CCDC3: variants seen among roughly 807,000 people sequenced by gnomAD.
CCDC3 encodes the protein coiled-coil domain containing 3, also known as coiled-coil domain-containing protein 3.
CCDC3 carries 24 observed loss-of-function variants against 21.4 expected under a neutral mutation model. The observed-to-expected ratio is 1.12, with a 90% CI of 0.81 to 1.58. CCDC3 has a LOEUF of 1.58. Among genes scored for constraint, CCDC3 ranks in the 40% most tolerant of loss-of-function variants. The probability of loss-of-function intolerance (pLI) is 0.00; values close to 1 mark genes in which losing one functional copy is unlikely to be tolerated. For synonymous variants in CCDC3, 186 were observed against 166.0 expected (o/e 1.12, Z -0.93); for missense variants, 425 against 360.9 (o/e 1.18, Z -1.44).
chr10:13,016,588 C>T (rs1836065341), intron 5 of CCDC3, among the ~76,000 whole-genome samples: 1 of 151,834 alleles, frequency 6.6e-6, no homozygotes, highest in South Asian at 2.1e-4. Flanking sequence ...AGCTGCAGTC[C>T]CGGAGGTTGA....
At chr10:12,913,232 C>A (rs1293593787) in intron 2 of CCDC3, among the ~76,000 whole-genome samples, 1 of 152,094 alleles carries the variant, frequency 6.6e-6, no homozygotes, top group East Asian at 1.9e-4. Context: ...GGATATCTTC[C>A]CATTTATTTG....
chr10:12,980,940 A>G (rs1195597654), intron 2 of CCDC3, among the ~76,000 whole-genome samples: 3 of 152,240 alleles, frequency 2.0e-5, no homozygotes, highest in African/African-American at 7.2e-5. Context: ...GCACATTGCC[A>G]TAATCATGAC....
Position 13,028,029 on chromosome 10 carries a change from C to T in CCDC3, c.-2+21645G>A, listed in dbSNP as rs563488116. Among the ~76,000 whole-genome samples the T allele has an allele frequency of 2.4e-4, 37 of 152,260 alleles. 1 individual carries two copies. Among genetic ancestry groups the T allele is most frequent in the African/African-American group, 6.5e-4 (27 of 41,548 alleles). On this transcript the variant is annotated intron_variant, in intron 5 of 6. Transcript: ENST00000378839. ...TTTGGCCAGGACCCTCTGTTTACAA[C>T]GACCAGGCTACTACAATATATAGTT...
intron 5 of CCDC3, among the ~76,000 whole-genome samples, chr10:13,030,811 T>C (rs1836289809): frequency 6.6e-6 from 1 of 152,180 alleles, no homozygotes; most frequent in African/African-American, 2.4e-5. Context: ...TAAATATATA[T>C]GCACCCAATA....
intron 2 of CCDC3, among the ~76,000 whole-genome samples, chr10:12,935,309 C>G (rs1486509298): frequency 6.6e-6 from 1 of 151,974 alleles, no homozygotes; most frequent in African/African-American, 2.4e-5. Context: ...ACCTCCATCT[C>G]CTGGGTCCAA....
At chr10:12,903,177 T>A (rs1834119627) in intron 2 of CCDC3, among the ~76,000 whole-genome samples, 1 of 152,162 alleles carries the variant, frequency 6.6e-6, no homozygotes, top group Admixed American at 6.5e-5. Flanking sequence ...GGGCCATGCC[T>A]CTGAGTAGGG....
At chr10:13,032,240 A>C (rs1329511013) in intron 5 of CCDC3, among the ~76,000 whole-genome samples, 2 of 152,094 alleles carry the variant, frequency 1.3e-5, no homozygotes, top group Non-Finnish European at 2.9e-5. Context: ...AAAGACAAAA[A>C]CCACGATTAT....
intron 2 of CCDC3, among the ~76,000 whole-genome samples, chr10:12,947,816 A>C (rs1274034159): frequency 1.3e-5 from 2 of 152,244 alleles, no homozygotes; most frequent in Non-Finnish European, 2.9e-5. Context: ...AGTCCTTACC[A>C]ACGGGTCAGG....
At chr10:12,995,776 G>A (rs1835753628) in intron 2 of CCDC3, among the ~76,000 whole-genome samples, 1 of 152,136 alleles carries the variant, frequency 6.6e-6, no homozygotes, top group Admixed American at 6.5e-5. Context: ...GGTGATTCAA[G>A]GGAAAGGGAA....
chr10:12,983,152 A>ATATATATATC lies in CCDC3; in HGVS notation c.549+15185_549+15186insGATATATATA, dbSNP rs1835531685. On this transcript the variant is annotated intron_variant, in intron 2 of 2. Transcript: ENST00000378825. ...AGTGTATATATATATATATATATAT[A>ATATATATATC]TATATATATATATATATATATAAAA... is the stretch of plus-strand genomic sequence containing the variant. Among the ~76,000 whole-genome samples, 10 of 65,078 alleles carry ATATATATATC rather than the reference A, an allele frequency of 1.5e-4. No homozygotes were observed. The South Asian group carries it at 4.8e-3, about 31-fold the overall frequency. The allele number at this position is 65,078 out of a possible 152,430, so 42.7% of individuals were successfully genotyped here.
At chr10:12,971,395 TCTCA>T (rs1835341531) in intron 2 of CCDC3, among the ~76,000 whole-genome samples, 3 of 152,182 alleles carry the variant, frequency 2.0e-5, no homozygotes, top group African/African-American at 4.8e-5. Context: ...ACCTTAGATC[TCTCA>T]CTCAGAGCAC....
intron 3 of CCDC3, among the ~76,000 whole-genome samples, chr10:13,082,859 T>G (rs1406859450): frequency 6.6e-6 from 1 of 152,182 alleles, no homozygotes; most frequent in Non-Finnish European, 1.5e-5. Flanking sequence ...AACAGTGGAA[T>G]AAAGAGTAAT....
chr10:12,938,999 C>G (rs2131235861), intron 2 of CCDC3, among the ~76,000 whole-genome samples: 1 of 151,870 alleles, frequency 6.6e-6, no homozygotes, highest in Middle Eastern at 3.4e-3. Context: ...GCTCCACTAT[C>G]TTCTCTCCTC....
intron 2 of CCDC3, among the ~76,000 whole-genome samples, chr10:12,961,745 A>G (rs1413336085): frequency 6.6e-6 from 1 of 152,160 alleles, no homozygotes; most frequent in African/African-American, 2.4e-5. Context: ...TCCCACCCCT[A>G]AGTAATTAGA....
At chr10:12,933,472 T>TTTTTG (rs1834683745) in intron 2 of CCDC3, among the ~76,000 whole-genome samples, 1 of 151,452 alleles carries the variant, frequency 6.6e-6, no homozygotes. Context: ...TTTTTTTTTT[T>TTTTTG]GAGACAGAGT....
intron 2 of CCDC3, among the ~76,000 whole-genome samples, chr10:12,901,495 G>T (rs989177091): frequency 3.3e-5 from 5 of 152,044 alleles, no homozygotes; most frequent in African/African-American, 1.2e-4. Context: ...GGATGGTCTC[G>T]ATTTCCTGAC....
At chr10:12,930,625 C>T (rs1018779688) in intron 2 of CCDC3, among the ~76,000 whole-genome samples, 4 of 152,160 alleles carry the variant, frequency 2.6e-5, no homozygotes, top group Admixed American at 6.5e-5. Flanking sequence ...GATTCTCAAC[C>T]GGTGGCAATG....
intron 3 of CCDC3, among the ~76,000 whole-genome samples, chr10:13,097,523 A>G (rs1044827978): frequency 3.9e-4 from 59 of 152,220 alleles, no homozygotes; most frequent in African/African-American, 1.3e-3. Flanking sequence ...CAGGAGTTCA[A>G]TACCAGGCTG....
At chr10:12,945,779 A>G (rs1176561896) in intron 2 of CCDC3, among the ~76,000 whole-genome samples, 2 of 152,228 alleles carry the variant, frequency 1.3e-5, no homozygotes, top group African/African-American at 4.8e-5. Context: ...AATCATTTCT[A>G]GTAAAAAGAA....
Sources: gnomAD v4.1 joint callset for allele counts (sites outside exome capture counted in the v4.1 genomes callset) on GRCh38, gnomAD v4.1.1 for gene constraint, MANE v1.5 for transcripts, NCBI Gene and HGNC (gene_info 2026-07-23, HGNC 2026-07-21) for gene names.